The following EVA1A variants were observed in gnomAD, a reference collection of about 807,000 sequenced individuals.
EVA1A encodes eva-1 homolog A, regulator of programmed cell death, also known as protein eva-1 homolog A.
EVA1A carries 7 observed loss-of-function variants against 9.8 expected under a neutral mutation model. The ratio of observed to expected loss-of-function variants is 0.71; its 90% CI spans 0.41 to 1.34. The LOEUF (loss-of-function observed/expected upper bound fraction) is 1.34, where lower values mean the gene tolerates loss of function less well. Ranked by LOEUF, EVA1A falls within the 40% of genes most tolerant of loss-of-function variation. EVA1A has a pLI of 0.01. For synonymous variants in EVA1A, 90 were observed against 85.6 expected (o/e 1.05, Z -0.28); for missense variants, 206 against 205.9 (o/e 1.00, Z 0.00).
chr2:75,559,697 T>TGGGTG (rs1676845410), intron 1 of EVA1A, among the ~76,000 whole-genome samples: 1 of 78,802 alleles, frequency 1.3e-5, no homozygotes, highest in Non-Finnish European at 2.3e-5. Flanking sequence ...AGAAAGGAGG[T>TGGGTG]GGGGGGGGGG....
chr2:75,520,714 A>C (rs1238378680), intron 2 of EVA1A, among the ~76,000 whole-genome samples: 3 of 152,198 alleles, frequency 2.0e-5, no homozygotes, highest in Non-Finnish European at 4.4e-5. Context: ...TCAAAGACCT[A>C]AATGTAACAG....
chr2:75,534,450 A>G (rs1372379104), intron 1 of EVA1A, among the ~76,000 whole-genome samples: 2 of 152,034 alleles, frequency 1.3e-5, no homozygotes, highest in Non-Finnish European at 2.9e-5. Context: ...AAATACACTT[A>G]AAAACACTAC....
At chr2:75,518,621 A>T in intron 2 of EVA1A, 3 of 988,274 alleles carry the variant, frequency 3.0e-6, no homozygotes, top group Non-Finnish European at 3.6e-6. Context: ...CCTAATTCCC[A>T]GTAAACAATT....
chr2:75,519,567 C>T (rs990503846), intron 2 of EVA1A, among the ~76,000 whole-genome samples: 6 of 152,100 alleles, frequency 3.9e-5, no homozygotes, highest in African/African-American at 1.4e-4. Flanking sequence ...GCTCCAGGGA[C>T]TTTGAAAAGA....
chr2:75,567,604 A>G (rs1245589797), intron 1 of EVA1A, among the ~76,000 whole-genome samples: 4 of 152,216 alleles, frequency 2.6e-5, no homozygotes, highest in African/African-American at 7.2e-5. Flanking sequence ...AGGGGTCCCA[A>G]ATTTCTGAAA....
intron 1 of EVA1A, among the ~76,000 whole-genome samples, chr2:75,527,374 G>A (rs1404316034): frequency 2.0e-5 from 3 of 152,154 alleles, no homozygotes; most frequent in Non-Finnish European, 4.4e-5. Flanking sequence ...GACTACATGG[G>A]AAGCCTGGAC....
intron 1 of EVA1A, among the ~76,000 whole-genome samples, chr2:75,529,541 T>G (rs1675571485): frequency 6.6e-6 from 1 of 152,188 alleles, no homozygotes; most frequent in African/African-American, 2.4e-5. Context: ...AAAATTATAT[T>G]GACTACTCTC....
At chr2:75,521,161 C>A (rs78548696) in intron 2 of EVA1A, among the ~76,000 whole-genome samples, 2,335 of 152,316 alleles carry the variant, frequency 0.015, 56 homozygotes, top group African/African-American at 0.054. Context: ...AATGAAATAT[C>A]ATCTCATACC....
chr2:75,568,252 C>T (rs1011557927), intron 1 of EVA1A, among the ~76,000 whole-genome samples: 5 of 151,634 alleles, frequency 3.3e-5, no homozygotes, highest in South Asian at 4.2e-4. Context: ...GAAGCTCCCC[C>T]ATGTTTATGT....
chr2:75,522,674 T>A (rs1393725585), intron 1 of EVA1A, among the ~76,000 whole-genome samples, 187 bp from the exon 2 acceptor site: 2 of 152,156 alleles, frequency 1.3e-5, no homozygotes, highest in African/African-American at 2.4e-5. Flanking sequence ...GAATTTGAAC[T>A]AGACAGCCAG....
intron 1 of EVA1A, among the ~76,000 whole-genome samples, chr2:75,555,309 CTCTCTCTCTCTCTCTCTCTCTCTCTCT>C: frequency 7.0e-6 from 1 of 141,906 alleles, no homozygotes; most frequent in Admixed American, 7.3e-5. Flanking sequence ...CAATCTCTCT[CTCTCTCTCTCTCTCTCTCTCTCTCTCT>C]CCCCCATCTC....
At chr2:75,546,515 T>C (rs546111427) in intron 1 of EVA1A, among the ~76,000 whole-genome samples, 1 of 152,166 alleles carries the variant, frequency 6.6e-6, no homozygotes, top group Non-Finnish European at 1.5e-5. Flanking sequence ...TATGTAAATA[T>C]AGACAAAATC....
At chr2:75,520,618 G>A (rs1365979746) in intron 2 of EVA1A, among the ~76,000 whole-genome samples, 2 of 152,106 alleles carry the variant, frequency 1.3e-5, no homozygotes, top group East Asian at 1.9e-4. Flanking sequence ...TTCAGCAAAC[G>A]GTGTTGGAAA....
At chr2:75,521,109 C>T (rs183221001) in intron 2 of EVA1A, among the ~76,000 whole-genome samples, 20 of 152,274 alleles carry the variant, frequency 1.3e-4, no homozygotes, top group African/African-American at 4.6e-4. Context: ...TGAAAAGATG[C>T]TCCACATAAC....
intron 3 of EVA1A, among the ~76,000 whole-genome samples, chr2:75,499,308 A>G (rs561525399): frequency 6.6e-6 from 1 of 152,348 alleles, no homozygotes; most frequent in Admixed American, 6.5e-5. Context: ...TGCAATAAAC[A>G]TAATTGGAAT....
chr2:75,499,863 G>A (rs1441029864), intron 3 of EVA1A, among the ~76,000 whole-genome samples: 2 of 152,202 alleles, frequency 1.3e-5, no homozygotes, highest in East Asian at 3.9e-4. Flanking sequence ...CCGTACTCGA[G>A]ATAAGCAGTC....
Position 75,493,313 on chromosome 2 carries a change from C to G in EVA1A, c.382G>C (p.Glu128Gln). 3 of 1,614,106 alleles carry G rather than the reference C, an allele frequency of 1.9e-6. No individual in the cohort carries two copies. The highest frequency in any genetic ancestry group is 2.5e-6 in the Non-Finnish European group (3 of 1,179,976). ...LERAQRLEER[E>Q]RIIREIWMNG... Reference sequence around the variant, plus strand: ...ATCCAGATCTCCCTGATGATGCGCTCGCGCTCCTCCAGCCGCTGGGCGCGC... The same window carrying G: ...ATCCAGATCTCCCTGATGATGCGCTGGCGCTCCTCCAGCCGCTGGGCGCGC... The change falls in exon 4 of 4, where the codon GAG becomes CAG. Residue 128 changes from glutamate to glutamine, a missense_variant. Coordinates refer to ENST00000393913, the MANE Select transcript of EVA1A (RefSeq NM_001135032.2).
At chr2:75,525,138 A>G (rs777033932) in intron 1 of EVA1A, among the ~76,000 whole-genome samples, 4 of 152,178 alleles carry the variant, frequency 2.6e-5, no homozygotes, top group Non-Finnish European at 2.9e-5. Flanking sequence ...ACGCATGTAT[A>G]TATGTATGTG....
At chr2:75,515,884 AAC>A (rs532842265) in intron 3 of EVA1A, among the ~76,000 whole-genome samples, 11 of 151,566 alleles carry the variant, frequency 7.3e-5, no homozygotes, top group Non-Finnish European at 1.5e-4. Flanking sequence ...CCTAACAAAG[AAC>A]ACACACACAC....
Sources: allele counts gnomAD v4.1 joint callset (sites outside exome capture counted in the v4.1 genomes callset), GRCh38; gene constraint gnomAD v4.1.1; transcripts MANE v1.5; gene names NCBI Gene and HGNC (gene_info 2026-07-23, HGNC 2026-07-21).